The following LAMA3 variants were observed in gnomAD, a reference collection of about 807,000 sequenced individuals.
LAMA3 encodes laminin subunit alpha 3, also known as laminin subunit alpha-3.
In LAMA3, 281 loss-of-function variants were observed where a neutral mutation model predicts 402.0. That is an observed-to-expected ratio of 0.70 (90% CI 0.63 to 0.77). The LOEUF (loss-of-function observed/expected upper bound fraction) is 0.77. Among genes scored for constraint, LAMA3 ranks in the 30% least tolerant of loss-of-function variants. The pLI is 0.00. For missense variants in LAMA3, 3,840 were observed against 4,215.5 expected, an observed-to-expected ratio of 0.91 and a Z score of 2.47; for synonymous variants, 1,431 against 1,558.4, an observed-to-expected ratio of 0.92 and a Z score of 1.93.
At chr18:23,931,335 C>G in intron 65 of LAMA3, 134 bp downstream of exon 65, 1 of 755,304 alleles carries the variant, frequency 1.3e-6, no homozygotes, top group East Asian at 2.6e-5. Flanking sequence ...TCTTGTCCTT[C>G]TTCCTTTTTC....
At chr18:23,801,952 A>G (rs2062873583) in intron 12 of LAMA3, among the ~76,000 whole-genome samples, 1 of 152,246 alleles carries the variant, frequency 6.6e-6, no homozygotes, top group Admixed American at 6.5e-5. Flanking sequence ...TAACATACGC[A>G]TATACAGAAA....
At chr18:23,921,404 A>T (rs1044804967) in intron 61 of LAMA3, 48 bp from the exon 62 acceptor site, 2 of 1,600,338 alleles carry the variant, frequency 1.2e-6, no homozygotes, top group Non-Finnish European at 8.5e-7. Context: ...TGTGAATAGG[A>T]TTCTCTTATT....
chr18:23,838,960 G>A (rs891480245), intron 26 of LAMA3, 82 bp downstream of exon 26: 13 of 865,524 alleles, frequency 1.5e-5, no homozygotes, highest in South Asian at 2.7e-5. Context: ...TATACTCAAC[G>A]TCAGAAATGA....
Position 23,904,558 on chromosome 18 carries a change from A to G in LAMA3, c.6479A>G (p.Lys2160Arg), listed in dbSNP as rs1262958197. 6.3e-7 allele frequency: 1 copy of G among 1,592,430 alleles called. No homozygotes were observed. The highest frequency in any genetic ancestry group is 1.8e-5 in the Admixed American group (1 of 56,354). ...TAACCTGCCCTGTCTTCCAGGATCA[A>G]GAGAAACGCCAGCGGGGATGAGCTG... ...QELAKQLEEI[K>R]RNASGDELVR... The change falls in exon 51 of 75, where the codon AAG becomes AGG. Residue 2160 changes from lysine (K) to arginine (R), a missense_variant. Coordinates refer to ENST00000313654, the MANE Select transcript of LAMA3 (RefSeq NM_198129.4).
Position 23,861,720 on chromosome 18 carries a change from C to T in LAMA3, c.4497C>T (p.Ser1499=), listed in dbSNP as rs754768244. 6.2e-7 allele frequency: 1 copy of T among 1,614,150 alleles called. No homozygotes were observed. Among genetic ancestry groups the T allele is most frequent in the South Asian group, 1.1e-5 (1 of 91,062 alleles). ...VDIPVSFNPG[S]NSMVADLQEL... ...TCCCTGTCTCTTTCAACCCAGGCAG[C>T]AACAGTATGGTGGCGGATCTCCAGG... The change falls in exon 35 of 75, where the codon AGC becomes AGT. Residue 1499 remains serine (S), a synonymous_variant. Coordinates refer to ENST00000313654, the MANE Select transcript of LAMA3 (RefSeq NM_198129.4).
rs367709716 is a variant in LAMA3 at position 23,899,237 on chromosome 18, C to G, written c.5837-51C>G. The G allele has an allele frequency of 8.0e-5, 121 of 1,507,996 alleles. No homozygotes were observed. The Admixed American group carries it at 8.1e-4, about 10-fold the overall frequency. 93.4% of individuals were successfully genotyped at this position (1,507,996 alleles called of 1,614,324 possible). A position where few individuals can be genotyped will look rare whatever the true frequency, so the allele number is the denominator to read the frequency against. On this transcript the variant is annotated intron_variant, in intron 46 of 74. Coordinates refer to ENST00000313654, the MANE Select transcript of LAMA3 (RefSeq NM_198129.4). ...TCTACCTTTTTTTTTTTTTAAGTAG[C>G]CTACTGGAGCCCAGAATTCCCAGTC...
intron 1 of LAMA3, among the ~76,000 whole-genome samples, chr18:23,707,101 G>GT (rs1445584680): frequency 1.3e-5 from 2 of 152,126 alleles, no homozygotes; most frequent in African/African-American, 4.8e-5. Flanking sequence ...AACAAAAACA[G>GT]TTTTTTCTCT....
chr18:23,780,257 AGTTCTAAT>A (rs1355495860), intron 11 of LAMA3, among the ~76,000 whole-genome samples: 1 of 147,362 alleles, frequency 6.8e-6, no homozygotes, highest in Non-Finnish European at 1.5e-5. Flanking sequence ...AAAGGTCAAC[AGTTCTAAT>A]GGCAGGAGTT....
At chr18:23,746,751 T>C (rs1390250136) in intron 2 of LAMA3, among the ~76,000 whole-genome samples, 2 of 152,012 alleles carry the variant, frequency 1.3e-5, no homozygotes, top group Non-Finnish European at 2.9e-5. Context: ...CAAAAGTTTT[T>C]TTAGGTCTTC....
chr18:23,877,199 G>C (rs1482427367), intron 39 of LAMA3, among the ~76,000 whole-genome samples: 1 of 152,158 alleles, frequency 6.6e-6, no homozygotes, highest in African/African-American at 2.4e-5. Context: ...CCGCCTGCCT[G>C]TTCCCTATAT....
chr18:23,870,996 TTAAAA>T (rs2064501049), intron 37 of LAMA3, among the ~76,000 whole-genome samples: 2 of 152,326 alleles, frequency 1.3e-5, no homozygotes, highest in South Asian at 4.1e-4. Flanking sequence ...ACAATAACAA[TTAAAA>T]TAAAATAATA....
intron 41 of LAMA3, among the ~76,000 whole-genome samples, chr18:23,889,494 C>T (rs1171965237): frequency 1.3e-5 from 2 of 150,814 alleles, no homozygotes; most frequent in African/African-American, 2.4e-5. Context: ...TGCAGAAGTT[C>T]GAGGTTGCAG....
rs374464328 is a variant in LAMA3 at position 23,928,159 on chromosome 18, G to A, written c.8214G>A (p.Met2738Ile). 2.5e-5 allele frequency: 40 copies of A among 1,613,938 alleles called. No individual in the cohort carries two copies. Among genetic ancestry groups the A allele is most frequent in the Non-Finnish European group, 3.3e-5 (39 of 1,179,902 alleles). The part of the protein sequence containing the change: ...NISTPAFRGC[M>I]KNLKKTSGVV... ...CTACGCCTGCTTTCCGAGGCTGCAT[G>A]AAAAATTTGAAGAAAACCAGTGGTG... The change falls in exon 63 of 75, where the codon ATG becomes ATA. Residue 2738 changes from methionine to isoleucine, a missense_variant. Met to Ile is a conservative substitution (Grantham distance 10). Transcript: ENST00000313654.
intron 1 of LAMA3, chr18:23,710,239 C>G: frequency 1.6e-6 from 1 of 612,384 alleles, no homozygotes. Context: ...TTCGTTTTGG[C>G]TTCAGCTTTA....
intron 1 of LAMA3, among the ~76,000 whole-genome samples, chr18:23,703,804 G>T (rs1049856768): frequency 6.6e-6 from 1 of 152,116 alleles, no homozygotes; most frequent in Admixed American, 6.5e-5. Context: ...TGTGGGAGTC[G>T]CAGAGCTGGG....
At chr18:23,819,312 A>G (rs903220153) in intron 18 of LAMA3, among the ~76,000 whole-genome samples, 2 of 152,198 alleles carry the variant, frequency 1.3e-5, no homozygotes, top group Non-Finnish European at 2.9e-5. Flanking sequence ...TTAAGAGAAA[A>G]CAAGGCATAG....
intron 29 of LAMA3, among the ~76,000 whole-genome samples, chr18:23,843,284 C>T (rs1285191131): frequency 6.6e-6 from 1 of 152,118 alleles, no homozygotes; most frequent in Non-Finnish European, 1.5e-5. Flanking sequence ...ATGTGACCAC[C>T]ATCTCCTGCG....
chr18:23,741,206 G>A (rs977278316), intron 2 of LAMA3, among the ~76,000 whole-genome samples: 7 of 151,882 alleles, frequency 4.6e-5, no homozygotes, highest in Admixed American at 1.3e-4. Context: ...TGATCCACCC[G>A]CCTTGGCCTC....
At chr18:23,752,465 C>T (rs2061770975) in intron 5 of LAMA3, among the ~76,000 whole-genome samples, 1 of 152,128 alleles carries the variant, frequency 6.6e-6, no homozygotes, top group Non-Finnish European at 1.5e-5. Context: ...TCTTAACCCC[C>T]CAAGTTTAGG....
Sources: gnomAD v4.1 joint callset for allele counts (sites outside exome capture counted in the v4.1 genomes callset) on GRCh38, gnomAD v4.1.1 for gene constraint, MANE v1.5 for transcripts, NCBI Gene and HGNC (gene_info 2026-07-23, HGNC 2026-07-21) for gene names.